Variants in RP1 observed in about 807,000 individuals in gnomAD.
RP1 encodes the protein oxygen-regulated protein 1.
Under a neutral mutation model 14.8 loss-of-function variants are expected in RP1, and 16 were observed. The observed-to-expected ratio is 1.08, with a 90% confidence interval of 0.73 to 1.65. The LOEUF (loss-of-function observed/expected upper bound fraction) is 1.65, where lower values mean the gene tolerates loss of function less well. Ranked by LOEUF, RP1 falls within the 40% of genes most tolerant of loss-of-function variation. RP1 has a pLI of 0.00. For missense variants in RP1, 2,631 were observed against 2,535.0 expected, an observed-to-expected ratio of 1.04 and a Z score of -0.81; for synonymous variants, 876 against 883.6, an observed-to-expected ratio of 0.99 and a Z score of 0.15.
intron 1 of RP1, among the ~76,000 whole-genome samples, chr8:54,577,026 C>CT (rs147837035): frequency 1.3e-4 from 19 of 151,306 alleles, no homozygotes; most frequent in South Asian, 2.1e-4. Context: ...ACTTAATTTT[C>CT]TTTTTTTTTG....
intron 19 of RP1, among the ~76,000 whole-genome samples, chr8:54,744,761 G>A (rs1400344914): frequency 6.6e-6 from 1 of 152,060 alleles, no homozygotes; most frequent in African/African-American, 2.4e-5. Context: ...ATTCCTCCAC[G>A]TGCATTTGCT....
chr8:54,817,870 G>C (rs111452173), intron 24 of RP1, among the ~76,000 whole-genome samples: 1 of 152,156 alleles, frequency 6.6e-6, no homozygotes, highest in Non-Finnish European at 1.5e-5. Context: ...GTATTGCAAA[G>C]TTCCACTAGC....
intron 12 of RP1, among the ~76,000 whole-genome samples, chr8:54,694,751 T>C (rs1447674984): frequency 2.6e-5 from 4 of 152,314 alleles, no homozygotes; most frequent in South Asian, 4.1e-4. Flanking sequence ...TCAATTTTGT[T>C]GATCTTTTCA....
At chr8:54,640,002 T>A (rs1200963215) in intron 3 of RP1, among the ~76,000 whole-genome samples, 1 of 152,140 alleles carries the variant, frequency 6.6e-6, no homozygotes, top group African/African-American at 2.4e-5. Flanking sequence ...TCAAGTCTTA[T>A]CTAAGAAATC....
rs190190642 is a variant in RP1, at chr8:54,665,790, T to G, written c.1323+1940T>G. Among the ~76,000 whole-genome samples, 97 of 152,284 alleles carry G rather than the reference T, an allele frequency of 6.4e-4. 1 individual carries two copies. The highest frequency in any genetic ancestry group is 1.0e-3 in the Non-Finnish European group (70 of 68,002). On this transcript the variant is annotated intron_variant, in intron 7 of 22. Coordinates refer to the RP1 transcript ENST00000636932. ...TGAAGTGTGCAGACACTCAGTAGAC[T>G]ACTGATTGCTTGTTCTGTCACCGCC...
chr8:54,813,627 A>T (rs1246632646), intron 24 of RP1, among the ~76,000 whole-genome samples: 1 of 152,228 alleles, frequency 6.6e-6, no homozygotes, highest in African/African-American at 2.4e-5. Context: ...CCGTGGAAAT[A>T]TTCTATAAAT....
chr8:54,722,295 G>T (rs1305474285), intron 16 of RP1, among the ~76,000 whole-genome samples: 1 of 148,444 alleles, frequency 6.7e-6, no homozygotes. Flanking sequence ...TGTGTGTGAC[G>T]GAGTCTCATT....
At chr8:54,759,132 GTGTGT>G (rs1809578771) in intron 22 of RP1, 1 of 190,870 alleles carries the variant, frequency 5.2e-6, no homozygotes, top group Non-Finnish European at 6.5e-6. Flanking sequence ...GGATGATGCT[GTGTGT>G]GTGTGTGTGT....
rs1322496871 is a variant in RP1 at position 54,621,373 on chromosome 8, A to C, written c.407A>C (p.His136Pro). 3.1e-6 allele frequency: 5 copies of C among 1,612,540 alleles called. No individual in the cohort carries two copies. The highest frequency in any genetic ancestry group is 3.4e-6 in the Non-Finnish European group (4 of 1,179,786). Residue 136 changes from histidine to proline, a missense_variant, in exon 2 of 4, where the codon CAC (histidine) becomes CCC (proline). Transcript: ENST00000220676. ...PWLSSRAISAHSPPHPVAVAA... is the reference protein window; with the variant it reads ...PWLSSRAISAPSPPHPVAVAA... ...CTCAGCAGCCGGGCCATTAGCGCGC[A>C]CTCACCGCCCCACCCCGTAGCCGTC...
At position 54,586,240 on chromosome 8, in the gene RP1, A is replaced by G. The variant is rs189078596; in HGVS notation, c.-13+26920A>G. Among the ~76,000 whole-genome samples, 253 of 152,270 alleles carry G rather than the reference A, an allele frequency of 1.7e-3. 1 individual carries two copies. The highest frequency in any genetic ancestry group is 3.4e-3 in the Middle Eastern group (1 of 294). Reference sequence around the variant, plus strand: ...AGTCAGGACCCTCAGCTGCAGGTCTATTGGAGTTTCCTGGAGGTCCACTCC... The same window carrying G: ...AGTCAGGACCCTCAGCTGCAGGTCTGTTGGAGTTTCCTGGAGGTCCACTCC... On this transcript the variant is annotated intron_variant, in intron 1 of 22. Transcript: ENST00000636932.
Position 54,720,294 on chromosome 8 carries a change from C to CA in RP1, c.2379dup (p.Val794SerfsTer25). ...GGATGAGAATGTTTGCTTCTATCCA[C>CA]AAGTCATCCAATGTATGTTTACTCT... On this transcript the variant is annotated frameshift_variant, in exon 16 of 23. Transcript: ENST00000636932. LOFTEE classifies it high-confidence loss of function. The CA allele has an allele frequency of 6.5e-7, 1 of 1,534,912 alleles. No individual in the cohort carries two copies. Among genetic ancestry groups the CA allele is most frequent in the South Asian group, 1.2e-5 (1 of 83,766 alleles).
chr8:54,697,318 T>C (rs1807892308), intron 12 of RP1, among the ~76,000 whole-genome samples: 1 of 152,054 alleles, frequency 6.6e-6, no homozygotes. Flanking sequence ...ACTTTGGTAG[T>C]CTGAGGCAGG....
chr8:54,831,691 G>T (rs530997198), intron 24 of RP1, among the ~76,000 whole-genome samples: 1 of 151,678 alleles, frequency 6.6e-6, no homozygotes, highest in African/African-American at 2.4e-5. Context: ...AATAAAAGAA[G>T]AAAAATTGTG....
At chr8:54,595,255 G>A (rs937693451) in intron 1 of RP1, among the ~76,000 whole-genome samples, 2 of 151,422 alleles carry the variant, frequency 1.3e-5, no homozygotes, top group South Asian at 2.1e-4. Context: ...TCAGCCTCCC[G>A]AGTAGCTGGG....
At chr8:54,787,692 G>T (rs1047859073) in intron 24 of RP1, among the ~76,000 whole-genome samples, 1 of 152,060 alleles carries the variant, frequency 6.6e-6, no homozygotes, top group African/African-American at 2.4e-5. Context: ...CTTTACTATT[G>T]TATGAAGTCA....
intron 12 of RP1, among the ~76,000 whole-genome samples, chr8:54,693,959 C>T (rs1807787345): frequency 6.6e-6 from 1 of 152,196 alleles, no homozygotes; most frequent in South Asian, 2.1e-4. Flanking sequence ...GTGGGTTTGT[C>T]ATAGATAGCT....
At chr8:54,862,437 C>CT (rs1340186518) in intron 27 of RP1, among the ~76,000 whole-genome samples, 2 of 152,102 alleles carry the variant, frequency 1.3e-5, no homozygotes, top group African/African-American at 2.4e-5. Context: ...TTCTTCTTCT[C>CT]TTTTTTTATC....
At chr8:54,865,375 C>T (rs781418356) in intron 27 of RP1, among the ~76,000 whole-genome samples, 3 of 151,410 alleles carry the variant, frequency 2.0e-5, no homozygotes, top group Non-Finnish European at 4.4e-5. Context: ...CCTTCTCTCT[C>T]TCCCTTCTTT....
At chr8:54,624,134 T>G (rs1172982001) in intron 3 of RP1, among the ~76,000 whole-genome samples, 2 of 152,150 alleles carry the variant, frequency 1.3e-5, no homozygotes, top group Non-Finnish European at 2.9e-5. Context: ...GTAGGTTTTC[T>G]CAAATAACTA....
Sources: gnomAD v4.1 joint callset for allele counts (sites outside exome capture counted in the v4.1 genomes callset) on GRCh38, gnomAD v4.1.1 for gene constraint, MANE v1.5 for transcripts, NCBI Gene and HGNC (gene_info 2026-07-23, HGNC 2026-07-21) for gene names.